STK32B: variants seen among roughly 807,000 people sequenced by gnomAD.
STK32B encodes the protein serine/threonine kinase 32B.
A neutral mutation model predicts 52.6 loss-of-function variants in STK32B; 43 were observed. The observed-to-expected ratio is 0.82, with a 90% confidence interval of 0.64 to 1.05. The LOEUF is 1.05. STK32B is among the 50% of genes least tolerant of loss of function. STK32B has a pLI of 0.00. For missense variants in STK32B, 621 were observed against 534.6 expected, an observed-to-expected ratio of 1.16 and a Z score of -1.59; for synonymous variants, 238 against 204.3, an observed-to-expected ratio of 1.17 and a Z score of -1.41.
chr4:5,280,307 T>G (rs1728108459), intron 3 of STK32B, among the ~76,000 whole-genome samples: 1 of 152,176 alleles, frequency 6.6e-6, no homozygotes. Context: ...TTACTCCAGT[T>G]CCCAGTAAGT....
chr4:5,189,112 C>T (rs566365575), intron 3 of STK32B, among the ~76,000 whole-genome samples: 42 of 152,282 alleles, frequency 2.8e-4, no homozygotes, highest in Non-Finnish European at 5.1e-4. Flanking sequence ...ACTTCCCCCA[C>T]CACAGTGGTA....
intron 4 of STK32B, among the ~76,000 whole-genome samples, chr4:5,340,088 T>C (rs1268931105): frequency 6.6e-6 from 1 of 152,232 alleles, no homozygotes; most frequent in Non-Finnish European, 1.5e-5. Context: ...AATTAGAAGA[T>C]TGACTTTTCA....
intron 1 of STK32B, among the ~76,000 whole-genome samples, chr4:5,134,718 G>C (rs1337725541): frequency 2.6e-5 from 4 of 152,244 alleles, no homozygotes; most frequent in Admixed American, 1.3e-4. Context: ...CTTGTGCCCA[G>C]CACCAACTCT....
chr4:5,388,008 G>A (rs1200189614), intron 4 of STK32B, among the ~76,000 whole-genome samples: 1 of 152,122 alleles, frequency 6.6e-6, no homozygotes, highest in Admixed American at 6.5e-5. Context: ...GCCTCCCAAA[G>A]TACTGGGATT....
rs567582093 is a variant in STK32B, at chr4:5,371,373, A to T, written c.435-26834A>T. On this transcript the variant is annotated intron_variant, in intron 4 of 11. Transcript: ENST00000282908. ...GGAGGGTGATCCAATATCAAAGGTG[A>T]GGGTTTCTTGCTAAAGTGACTTAGC... Among the ~76,000 whole-genome samples the T allele has an allele frequency of 1.9e-4, 29 of 152,146 alleles. 1 individual carries two copies. The highest frequency in any genetic ancestry group is 3.5e-4 in the Non-Finnish European group (24 of 68,024).
In STK32B at chr4:5,460,171, C is replaced by T. The variant is rs746923609; in HGVS notation, c.852C>T (p.Ala284=). The part of the protein sequence containing the change: ...LHDIQSVPYL[A]DMNWDAVFKK... Reference sequence around the variant, plus strand: ...ACATACAGAGCGTGCCCTACTTGGCCGACATGAACTGGGACGCGGTGTTCA... The same window carrying T: ...ACATACAGAGCGTGCCCTACTTGGCTGACATGAACTGGGACGCGGTGTTCA... Residue 284 remains alanine, a synonymous_variant, in exon 9 of 12, where the codon GCC becomes GCT. Coordinates refer to ENST00000282908, the MANE Select transcript of STK32B (RefSeq NM_018401.3). The surrounding 1 kb of genome is among the most constrained non-coding windows in gnomAD (Gnocchi z 4.8). 1.6e-5 allele frequency: 26 copies of T among 1,614,028 alleles called. No homozygotes were observed. The highest frequency in any genetic ancestry group is 2.2e-5 in the South Asian group (2 of 91,066).
chr4:5,392,706 T>C (rs1270900794), intron 4 of STK32B, among the ~76,000 whole-genome samples: 2 of 151,936 alleles, frequency 1.3e-5, no homozygotes, highest in Admixed American at 1.3e-4. Flanking sequence ...AAAATAGGAG[T>C]AGCAATACCT....
intron 3 of STK32B, among the ~76,000 whole-genome samples, chr4:5,191,327 T>G (rs1345508109): frequency 6.6e-6 from 1 of 151,592 alleles, no homozygotes; most frequent in Non-Finnish European, 1.5e-5. Context: ...CTCGGCTCAC[T>G]ACAAGCTCTG....
At chr4:5,486,385 C>G (rs1191171332) in intron 11 of STK32B, among the ~76,000 whole-genome samples, 1 of 152,202 alleles carries the variant, frequency 6.6e-6, no homozygotes, top group Non-Finnish European at 1.5e-5. Context: ...ATCCTCCCAG[C>G]CAGGCGCGGG....
intron 1 of STK32B, among the ~76,000 whole-genome samples, chr4:5,075,771 T>A (rs1712036381): frequency 6.6e-6 from 1 of 152,190 alleles, no homozygotes; most frequent in Non-Finnish European, 1.5e-5. Context: ...TTCTGCAAAT[T>A]CACTTTTTAT....
At chr4:5,116,184 G>A (rs1031461724) in intron 1 of STK32B, among the ~76,000 whole-genome samples, 1 of 149,046 alleles carries the variant, frequency 6.7e-6, no homozygotes, top group African/African-American at 2.5e-5. Flanking sequence ...GTGCATGCAC[G>A]CACACACACA....
intron 3 of STK32B, among the ~76,000 whole-genome samples, chr4:5,269,641 C>T (rs1434103166): frequency 6.6e-6 from 1 of 151,998 alleles, no homozygotes; most frequent in Admixed American, 6.6e-5. Flanking sequence ...TAAAAAAGGC[C>T]TAAATCAAAC....
At chr4:5,475,182 G>A (rs1718140921) in intron 11 of STK32B, among the ~76,000 whole-genome samples, 1 of 152,160 alleles carries the variant, frequency 6.6e-6, no homozygotes, top group Non-Finnish European at 1.5e-5. Flanking sequence ...AGCACTTTGG[G>A]AGGCTGAGGC....
rs763335593 is a variant in STK32B, at chr4:5,058,506, C to G, written c.52+6591C>G. On this transcript the variant is annotated intron_variant, in intron 1 of 11. Transcript: ENST00000282908. This position sits in a 1 kb window ranked among gnomAD's most constrained non-coding sequence, Gnocchi z 4.8. Reference sequence around the variant, plus strand: ...GATCAGAGATCACACTCACTGCTAGCCAGCCTGCACTGAGACATGGCATGA... The same window carrying G: ...GATCAGAGATCACACTCACTGCTAGGCAGCCTGCACTGAGACATGGCATGA... Among the ~76,000 whole-genome samples the G allele has an allele frequency of 1.3e-5, 2 of 152,188 alleles. No individual in the cohort carries two copies. Among genetic ancestry groups the G allele is most frequent in the Non-Finnish European group, 2.9e-5 (2 of 68,046 alleles).
intron 3 of STK32B, among the ~76,000 whole-genome samples, chr4:5,193,173 C>T (rs1274845181): frequency 6.6e-6 from 1 of 152,118 alleles, no homozygotes; most frequent in African/African-American, 2.4e-5. Flanking sequence ...CCTCTCGTGC[C>T]TCCTGAGCTC....
At chr4:5,382,426 A>G (rs1325954825) in intron 4 of STK32B, among the ~76,000 whole-genome samples, 2 of 152,094 alleles carry the variant, frequency 1.3e-5, no homozygotes, top group Admixed American at 1.3e-4. Flanking sequence ...TACAGCCACA[A>G]TGTCGCCTTG....
intron 3 of STK32B, among the ~76,000 whole-genome samples, chr4:5,185,769 C>T (rs1227316501): frequency 6.6e-6 from 1 of 152,218 alleles, no homozygotes; most frequent in Non-Finnish European, 1.5e-5. Context: ...AAGTCTGTGC[C>T]TACCACGCCT....
intron 3 of STK32B, among the ~76,000 whole-genome samples, chr4:5,251,005 G>C (rs1320197315): frequency 1.3e-5 from 2 of 152,130 alleles, no homozygotes; most frequent in African/African-American, 4.8e-5. Flanking sequence ...TCATTCTGTA[G>C]GTTGTCTTTT....
intron 6 of STK32B, among the ~76,000 whole-genome samples, chr4:5,433,978 A>G (rs1034499945): frequency 6.6e-6 from 1 of 152,158 alleles, no homozygotes; most frequent in Non-Finnish European, 1.5e-5. Context: ...ATGATGCCCT[A>G]ATGCTCCTTG....
Sources: allele counts gnomAD v4.1 joint callset (sites outside exome capture counted in the v4.1 genomes callset), GRCh38; gene constraint gnomAD v4.1.1; non-coding constraint Gnocchi (gnomAD v3.1); transcripts MANE v1.5; gene names NCBI Gene and HGNC (gene_info 2026-07-23, HGNC 2026-07-21).